Variants in OIT3 observed in about 807,000 individuals in gnomAD.
OIT3 encodes oncoprotein induced transcript 3.
A neutral mutation model predicts 52.2 loss-of-function variants in OIT3; 41 were observed. The ratio of observed to expected loss-of-function variants is 0.79; its 90% CI spans 0.61 to 1.02. The LOEUF is 1.02. Among genes scored for constraint, OIT3 ranks in the 50% least tolerant of loss-of-function variants. The pLI is 0.00. For synonymous variants in OIT3, 244 were observed against 276.9 expected (o/e 0.88, Z 1.18); for missense variants, 634 against 715.5 (o/e 0.89, Z 1.30).
chr10:72,908,270 A>G (rs1845998077), intron 4 of OIT3, among the ~76,000 whole-genome samples: 1 of 152,096 alleles, frequency 6.6e-6, no homozygotes, highest in South Asian at 2.1e-4. Flanking sequence ...CTTCTACTTT[A>G]ATAAGTCAGA....
intron 3 of OIT3, among the ~76,000 whole-genome samples, chr10:72,901,794 A>G (rs530183321): frequency 1.3e-5 from 2 of 152,296 alleles, no homozygotes; most frequent in Non-Finnish European, 2.9e-5. Flanking sequence ...CTGTAATCCC[A>G]GCGCTTTGAG....
At chr10:72,904,783 TA>T (rs2132930233) in intron 3 of OIT3, among the ~76,000 whole-genome samples, 1 of 150,104 alleles carries the variant, frequency 6.7e-6, no homozygotes, top group East Asian at 2.1e-4. Context: ...TCTTCTGTTG[TA>T]GTTTTTTCTG....
At chr10:72,909,465 T>A (rs187019173) in intron 4 of OIT3, among the ~76,000 whole-genome samples, 231 of 152,042 alleles carry the variant, frequency 1.5e-3, no homozygotes, top group Middle Eastern at 3.4e-3. Context: ...CATCTTTATG[T>A]CTGTGTGTAC....
intron 3 of OIT3, among the ~76,000 whole-genome samples, chr10:72,901,415 C>T (rs940856208): frequency 3.3e-5 from 5 of 152,070 alleles, no homozygotes; most frequent in Admixed American, 6.5e-5. Context: ...GAGATGAAAA[C>T]CCCAAGATTG....
At chr10:72,926,143 A>G (rs1846167922) in intron 7 of OIT3, among the ~76,000 whole-genome samples, 1 of 152,226 alleles carries the variant, frequency 6.6e-6, no homozygotes, top group Non-Finnish European at 1.5e-5. Context: ...CAGCTTAACC[A>G]AAGGGAGAAT....
chr10:72,912,915 A>C (rs1732302312), intron 5 of OIT3, among the ~76,000 whole-genome samples: 1 of 152,176 alleles, frequency 6.6e-6, no homozygotes, highest in African/African-American at 2.4e-5. Context: ...TTAATGGTAA[A>C]GTCACAGCAG....
At chr10:72,897,499 C>G (rs1023254150) in intron 1 of OIT3, among the ~76,000 whole-genome samples, 4 of 152,162 alleles carry the variant, frequency 2.6e-5, no homozygotes, top group Admixed American at 2.0e-4. Context: ...TTTCAATAAG[C>G]TGGTAAAATA....
chr10:72,927,685 C>T (rs1846181470), intron 7 of OIT3, among the ~76,000 whole-genome samples: 1 of 152,186 alleles, frequency 6.6e-6, no homozygotes, highest in Admixed American at 6.5e-5. Context: ...TACCCTCTGA[C>T]CTCAGCCCCC....
chr10:72,924,921 G>A (rs1010958520), intron 7 of OIT3, among the ~76,000 whole-genome samples: 7 of 152,026 alleles, frequency 4.6e-5, no homozygotes, highest in African/African-American at 1.7e-4. Context: ...GACCAGCCTG[G>A]CCAACATGGT....
rs1846152384 is a variant in OIT3 at position 72,924,570 on chromosome 10, C to CT, written c.1295dup (p.Leu432PhefsTer30). ...TGGTGCACGTGAGCGGCTTGGAAAG[C>CT]TTGGTGGAGAGCTGCTTTGCCACCC... On this transcript the variant is annotated frameshift_variant, in exon 7 of 9. Coordinates refer to ENST00000334011, the MANE Select transcript of OIT3 (RefSeq NM_152635.3). LOFTEE classifies it high-confidence loss of function. 1.2e-6 allele frequency: 2 copies of CT among 1,614,050 alleles called. No homozygotes were observed. Among genetic ancestry groups the CT allele is most frequent in the Non-Finnish European group, 8.5e-7 (1 of 1,180,034 alleles).
intron 6 of OIT3, among the ~76,000 whole-genome samples, chr10:72,921,402 G>T (rs931635363): frequency 6.6e-6 from 1 of 152,156 alleles, no homozygotes; most frequent in African/African-American, 2.4e-5. Context: ...TTTAATTGGG[G>T]CATTTAGCCC....
chr10:72,898,837 C>A lies in OIT3; in HGVS notation c.235C>A (p.His79Asn), dbSNP rs767712189. ...GCCTACCTTCTGCATACCAGAAAAC[C>A]ACTGTGGAACCCACGCACCTGTCTG... ...AMPTFCIPENHCGTHAPVWLN... is the reference protein window; with the variant it reads ...AMPTFCIPENNCGTHAPVWLN... The change falls in exon 2 of 9, where the codon CAC (histidine) becomes AAC (asparagine). Residue 79 changes from histidine (H) to asparagine (N), a missense_variant. By Grantham distance (68) the His-to-Asn change is moderately conservative (BLOSUM62 1). Transcript: ENST00000334011. 2 of 1,614,152 alleles carry A rather than the reference C, an allele frequency of 1.2e-6. No homozygotes were observed. Among genetic ancestry groups the A allele is most frequent in the Admixed American group, 1.7e-5 (1 of 60,014 alleles).
At position 72,923,524 on chromosome 10, in the gene OIT3, C is replaced by T. The variant is rs144792422; in HGVS notation, c.952-705C>T. On this transcript the variant is annotated intron_variant, in intron 6 of 8. Transcript: ENST00000334011. ...TGCTGTGGTACCGTTTCCTTCACCT[C>T]CCCCTCCTCAGGTTGAGCTCTCCAA... Among the ~76,000 whole-genome samples, 7 of 152,278 alleles carry T rather than the reference C, an allele frequency of 4.6e-5. No homozygotes were observed. In the East Asian group the frequency reaches 1.2e-3, roughly 25 times the overall value.
chr10:72,906,808 G>A (rs1222924269), intron 4 of OIT3, 90 bp downstream of exon 4: 20 of 1,278,164 alleles, frequency 1.6e-5, no homozygotes, highest in South Asian at 6.8e-5. Flanking sequence ...CTTAGTGTCC[G>A]AAGAGAGCAA....
chr10:72,913,598 C>A, intron 6 of OIT3, 130 bp downstream of exon 6: 2 of 780,222 alleles, frequency 2.6e-6, no homozygotes, highest in Non-Finnish European at 4.5e-6. Flanking sequence ...GAGCTCAAAA[C>A]ATCTTACGTC....
At chr10:72,932,098 A>G (rs1296631884) in intron 8 of OIT3, among the ~76,000 whole-genome samples, 5 of 152,196 alleles carry the variant, frequency 3.3e-5, no homozygotes, top group African/African-American at 1.2e-4. Context: ...GGAGTTATGA[A>G]TGTGGGTTTT....
chr10:72,896,671 A>C (rs1845877979), intron 1 of OIT3, among the ~76,000 whole-genome samples: 1 of 152,212 alleles, frequency 6.6e-6, no homozygotes, highest in Non-Finnish European at 1.5e-5. Flanking sequence ...GGAAAAATCT[A>C]AAGTATTTTC....
chr10:72,900,235 T>C (rs1320406862), intron 2 of OIT3, 142 bp from the exon 3 acceptor site: 5 of 593,092 alleles, frequency 8.4e-6, no homozygotes, highest in Non-Finnish European at 1.5e-5. Context: ...GGTGAGAGGA[T>C]TGCTTGAGCC....
intron 7 of OIT3, among the ~76,000 whole-genome samples, chr10:72,925,382 CA>C (rs1846161698): frequency 6.6e-6 from 1 of 152,150 alleles, no homozygotes; most frequent in Non-Finnish European, 1.5e-5. Context: ...GACAGGGAAT[CA>C]CCAGATTTAG....
Sources: allele counts gnomAD v4.1 joint callset (sites outside exome capture counted in the v4.1 genomes callset), GRCh38; gene constraint gnomAD v4.1.1; transcripts MANE v1.5; gene names NCBI Gene and HGNC (gene_info 2026-07-23, HGNC 2026-07-21).